Variants in TG observed in about 807,000 individuals in gnomAD.
TG encodes the protein thyroid hormones.
A neutral mutation model predicts 324.7 loss-of-function variants in TG; 270 were observed. The ratio of observed to expected loss-of-function variants is 0.83; its 90% CI spans 0.75 to 0.92. The LOEUF is 0.92. TG is among the 40% of genes least tolerant of loss of function. TG has a pLI of 0.00. For missense variants in TG, 3,591 were observed against 3,456.4 expected (o/e 1.04, Z -0.98); for synonymous variants, 1,401 against 1,327.0 (o/e 1.06, Z -1.21).
chr8:133,032,143 T>G (rs1332811277), intron 41 of TG, among the ~76,000 whole-genome samples: 1 of 152,150 alleles, frequency 6.6e-6, no homozygotes, highest in East Asian at 1.9e-4. Flanking sequence ...AGCAGATGAC[T>G]GGGGGAAGTT....
intron 35 of TG, among the ~76,000 whole-genome samples, chr8:132,989,470 G>T (rs1190664341): frequency 2.6e-5 from 4 of 152,230 alleles, no homozygotes; most frequent in African/African-American, 7.2e-5. Flanking sequence ...CTGTGAAGAA[G>T]GCTGCAGCTG....
chr8:133,123,883 G>A (rs16904840), intron 45 of TG, among the ~76,000 whole-genome samples: 2,569 of 152,322 alleles, frequency 0.017, 69 homozygotes, highest in African/African-American at 0.059. Context: ...TAGCACTTAT[G>A]CTTACTATGA....
intron 20 of TG, among the ~76,000 whole-genome samples, chr8:132,917,023 ATGCCTCCCTCCC>A (rs1165949825): frequency 1.4e-5 from 1 of 69,814 alleles, no homozygotes. Flanking sequence ...TCCTCCCTCC[ATGCCTCCCTCCC>A]TCCCTCCCTC....
At chr8:133,103,500 G>A (rs1483774867) in intron 43 of TG, among the ~76,000 whole-genome samples, 1 of 152,096 alleles carries the variant, frequency 6.6e-6, no homozygotes, top group African/African-American at 2.4e-5. Context: ...GGACTGACTT[G>A]TCCCCCCCAA....
intron 41 of TG, chr8:133,040,413 T>A: frequency 2.6e-6 from 1 of 377,446 alleles, no homozygotes; most frequent in East Asian, 4.5e-5. Flanking sequence ...GAATTTTAGC[T>A]TTACCCCGAT....
At chr8:132,871,792 C>T (rs1464664530) in intron 4 of TG, among the ~76,000 whole-genome samples, 3 of 152,202 alleles carry the variant, frequency 2.0e-5, no homozygotes, top group Non-Finnish European at 2.9e-5. Context: ...TTGTGAGTCT[C>T]CTGTTGCAGA....
intron 35 of TG, among the ~76,000 whole-genome samples, chr8:132,984,994 A>T (rs191198040): frequency 3.3e-5 from 5 of 151,584 alleles, no homozygotes; most frequent in Admixed American, 3.3e-4. Context: ...ATCTCTGCTC[A>T]TCTGCCACTC....
intron 35 of TG, chr8:132,994,692 G>C (rs1832703287): frequency 2.3e-6 from 3 of 1,287,958 alleles, no homozygotes; most frequent in Middle Eastern, 4.2e-4. Context: ...ACTTATTACA[G>C]AAGCATCTAC....
At chr8:133,059,504 A>G (rs1402947924) in intron 41 of TG, among the ~76,000 whole-genome samples, 1 of 152,112 alleles carries the variant, frequency 6.6e-6, no homozygotes, top group African/African-American at 2.4e-5. Context: ...CATCTCTCCA[A>G]AAAGCTGACT....
chr8:132,916,243 T>C (rs762094682), intron 20 of TG, among the ~76,000 whole-genome samples: 2 of 152,220 alleles, frequency 1.3e-5, no homozygotes, highest in Non-Finnish European at 1.5e-5. Flanking sequence ...GTAATACCTA[T>C]TGTTGTTTAG....
chr8:132,920,762 T>G (rs1369855324), intron 21 of TG, among the ~76,000 whole-genome samples: 1 of 152,246 alleles, frequency 6.6e-6, no homozygotes, highest in Non-Finnish European at 1.5e-5. Context: ...CCACTCTCCC[T>G]TCTTACTGGC....
chr8:132,972,123 A>T (rs943680319), intron 33 of TG: 1 of 523,626 alleles, frequency 1.9e-6, no homozygotes, highest in Admixed American at 3.1e-5. Flanking sequence ...TGGCTTGGAT[A>T]TCTTTTGTTC....
intron 41 of TG, chr8:133,060,410 G>A (rs1232295167): frequency 8.0e-6 from 12 of 1,505,548 alleles, no homozygotes; most frequent in Non-Finnish European, 1.1e-5. Flanking sequence ...AAAAACCACA[G>A]AGAGGGAAGT....
At chr8:133,114,389 C>T (rs1200826222) in intron 44 of TG, among the ~76,000 whole-genome samples, 5 of 152,230 alleles carry the variant, frequency 3.3e-5, no homozygotes, top group Admixed American at 3.3e-4. Context: ...TGCAGCACGC[C>T]CCCGGCCCCA....
At chr8:133,041,200 C>A (rs940786920) in intron 41 of TG, among the ~76,000 whole-genome samples, 1 of 152,228 alleles carries the variant, frequency 6.6e-6, no homozygotes, top group Non-Finnish European at 1.5e-5. Flanking sequence ...GGCTAAGCCA[C>A]CCCTGGCCTC....
chr8:132,928,576 T>C (rs893798856), intron 22 of TG, among the ~76,000 whole-genome samples: 11 of 152,230 alleles, frequency 7.2e-5, no homozygotes, highest in Non-Finnish European at 7.3e-5. Flanking sequence ...GGAAAACAGA[T>C]GCTAATAAAT....
In TG at chr8:132,999,295, C is replaced by G. The variant is rs1460355561; in HGVS notation, c.6263-12606C>G. On this transcript the variant is annotated intron_variant, in intron 35 of 47. Coordinates refer to ENST00000220616, the MANE Select transcript of TG (RefSeq NM_003235.5). The stretch of plus-strand genomic sequence containing the variant: ...GGAAGGTATGTGGTTGCCACCCTTT[C>G]ATCCTATCAAATAAGAATAATTAAA... Among the ~76,000 whole-genome samples, 4 of 150,110 alleles carry G rather than the reference C, an allele frequency of 2.7e-5. No homozygotes were observed. In the East Asian group the frequency reaches 7.7e-4, roughly 29 times the overall value.
intron 18 of TG, among the ~76,000 whole-genome samples, chr8:132,909,375 C>T (rs980889373): frequency 6.6e-6 from 1 of 152,136 alleles, no homozygotes; most frequent in Admixed American, 6.5e-5. Flanking sequence ...TGGCTGAAGA[C>T]ATGTGTTTCA....
At chr8:133,118,952 G>A (rs1282491393) in intron 45 of TG, among the ~76,000 whole-genome samples, 2 of 152,166 alleles carry the variant, frequency 1.3e-5, no homozygotes, top group Non-Finnish European at 2.9e-5. Context: ...AGGGAGAAGT[G>A]CTGTCTACAG....
Sources: allele counts gnomAD v4.1 joint callset (sites outside exome capture counted in the v4.1 genomes callset), GRCh38; gene constraint gnomAD v4.1.1; transcripts MANE v1.5; gene names NCBI Gene and HGNC (gene_info 2026-07-23, HGNC 2026-07-21).